Variants in SPMIP3 observed in about 807,000 individuals in gnomAD.
The protein encoded by SPMIP3 is protein SPMIP3.
the SPMIP3 span, among the ~76,000 whole-genome samples, chr1:244,368,190 C>T: frequency 6.6e-6 from 1 of 152,154 alleles, no homozygotes; most frequent in Non-Finnish European, 1.5e-5. Flanking sequence ...AACTCCTGAC[C>T]TCAAATGATC....
At chr1:244,366,609 G>C in the SPMIP3 span, among the ~76,000 whole-genome samples, 1 of 152,232 alleles carries the variant, frequency 6.6e-6, no homozygotes. Flanking sequence ...ACCTGATGCA[G>C]TGGCTCGTGC....
chr1:244,358,607 ATGTGTATGTGTG>A, the SPMIP3 span, among the ~76,000 whole-genome samples: 1 of 101,612 alleles, frequency 9.8e-6, no homozygotes, highest in Non-Finnish European at 2.2e-5. Flanking sequence ...TTAAGTATGT[ATGTGTATGTGTG>A]TGTGTGTATA....
the SPMIP3 span, among the ~76,000 whole-genome samples, chr1:244,367,589 T>A: frequency 1.3e-5 from 2 of 152,234 alleles, no homozygotes; most frequent in Non-Finnish European, 2.9e-5. Context: ...GCCGTCAGTG[T>A]GCCCCCCAAC....
chr1:244,360,509 T>TACACACACACACAC, the SPMIP3 span, among the ~76,000 whole-genome samples: 3 of 59,152 alleles, frequency 5.1e-5, no homozygotes, highest in Non-Finnish European at 1.2e-4. Flanking sequence ...AAACGTGATA[T>TACACACACACACAC]ACACACACAC....
At chr1:244,353,073 T>G in the SPMIP3 span, among the ~76,000 whole-genome samples, 1 of 152,332 alleles carries the variant, frequency 6.6e-6, no homozygotes, top group Non-Finnish European at 1.5e-5. Flanking sequence ...AGTTAGCTGA[T>G]CGATTGATTT....
chr1:244,373,798 A>G, the SPMIP3 span, among the ~76,000 whole-genome samples: 1 of 151,982 alleles, frequency 6.6e-6, no homozygotes, highest in Non-Finnish European at 1.5e-5. Flanking sequence ...ATATAAAAGG[A>G]AAAGCAATGT....
At chr1:244,389,397 TA>T in the SPMIP3 span, 4 of 163,298 alleles carry the variant, frequency 2.4e-5, no homozygotes, top group Non-Finnish European at 4.0e-5. Context: ...TTGGGAAAAA[TA>T]AAAAAAAGAA....
the SPMIP3 span, among the ~76,000 whole-genome samples, chr1:244,371,275 C>T: frequency 1.9e-4 from 29 of 152,214 alleles, no homozygotes; most frequent in Non-Finnish European, 4.0e-4. Context: ...GGTTAAAACC[C>T]GGGTTCAACA....
chr1:244,358,322 A>C, the SPMIP3 span, among the ~76,000 whole-genome samples: 1 of 151,468 alleles, frequency 6.6e-6, no homozygotes, highest in Non-Finnish European at 1.5e-5. Context: ...AATGGCTCAC[A>C]CCTGTAATCC....
the SPMIP3 span, among the ~76,000 whole-genome samples, chr1:244,385,555 T>C: frequency 6.6e-6 from 1 of 152,136 alleles, no homozygotes; most frequent in Non-Finnish European, 1.5e-5. Context: ...CAAAATAAAA[T>C]ATATGCCTTT....
the SPMIP3 span, among the ~76,000 whole-genome samples, chr1:244,382,639 TGTTGCCCAGGC>T: frequency 7.1e-6 from 1 of 140,484 alleles, no homozygotes; most frequent in African/African-American, 2.6e-5. Flanking sequence ...AGTGTTGCTC[TGTTGCCCAGGC>T]TGGAGTGCAG....
At chr1:244,360,607 G>A in the SPMIP3 span, among the ~76,000 whole-genome samples, 1 of 151,244 alleles carries the variant, frequency 6.6e-6, no homozygotes, top group Admixed American at 6.6e-5. Context: ...AAATCGGTCG[G>A]GCAGAGTGAC....
the SPMIP3 span, among the ~76,000 whole-genome samples, chr1:244,378,917 T>A: frequency 7.1e-6 from 1 of 141,132 alleles, no homozygotes; most frequent in Admixed American, 7.0e-5. Flanking sequence ...CTTTCTTTTA[T>A]CTTTTATTTA....
chr1:244,376,299 C>CA, the SPMIP3 span: 1 of 152,216 alleles, frequency 6.6e-6, no homozygotes, highest in Non-Finnish European at 1.5e-5. Flanking sequence ...AAGGTTACCC[C>CA]ATCAGGCAAA....
chr1:244,384,880 G>A, the SPMIP3 span, among the ~76,000 whole-genome samples: 4 of 152,104 alleles, frequency 2.6e-5, no homozygotes, highest in African/African-American at 9.7e-5. Context: ...AGTATAGGCT[G>A]TTTATCCTAA....
the SPMIP3 span, among the ~76,000 whole-genome samples, chr1:244,358,625 G>GTATATA: frequency 3.2e-5 from 3 of 92,632 alleles, no homozygotes; most frequent in African/African-American, 1.0e-4. Flanking sequence ...GTGTGTGTGT[G>GTATATA]TATATATATA....
chr1:244,375,575 C>A, the SPMIP3 span: 55 of 621,852 alleles, frequency 8.8e-5, no homozygotes, highest in South Asian at 3.6e-4. Context: ...CTGATGATAG[C>A]AAAAATAATA....
the SPMIP3 span, among the ~76,000 whole-genome samples, chr1:244,359,739 T>G: frequency 0.023 from 3,522 of 150,724 alleles, 124 homozygotes; most frequent in African/African-American, 0.08. Context: ...AATTAATTAA[T>G]TAATTAAAAT....
the SPMIP3 span, among the ~76,000 whole-genome samples, chr1:244,363,295 C>T: frequency 6.6e-6 from 1 of 152,046 alleles, no homozygotes; most frequent in Non-Finnish European, 1.5e-5. Flanking sequence ...ATAATCCCAG[C>T]TACTCAGGAG....
Sources: allele counts gnomAD v4.1 joint callset (sites outside exome capture counted in the v4.1 genomes callset), GRCh38; gene constraint gnomAD v4.1.1; transcripts MANE v1.5; gene names NCBI Gene and HGNC (gene_info 2026-07-23, HGNC 2026-07-21).